The following PIGT variants were observed in gnomAD, a reference collection of about 807,000 sequenced individuals.
The protein encoded by PIGT is GPI-anchor transamidase component PIGT.
Under a neutral mutation model 66.7 loss-of-function variants are expected in PIGT, and 57 were observed. The ratio of observed to expected loss-of-function variants is 0.86; its 90% CI spans 0.69 to 1.07. PIGT has a LOEUF of 1.07. PIGT is among the 50% of genes least tolerant of loss of function. The pLI, the probability that PIGT is intolerant of heterozygous loss-of-function variation, is 0.00. For missense variants in PIGT, 725 were observed against 740.4 expected (o/e 0.98, Z 0.24); for synonymous variants, 362 against 320.5 (o/e 1.13, Z -1.38).
In PIGT at chr20:45,424,558, A is replaced by G. The variant is rs759502546; in HGVS notation, c.1463A>G (p.Glu488Gly). The change falls in exon 11 of 12, where the codon GAG (glutamate) becomes GGG (glycine). Residue 488 changes from glutamate to glycine, a missense_variant. Transcript: ENST00000279036. ...MVAAKPVDWE[E>G]SPLFNSLFPV... ...GCAGCCAAGCCAGTGGACTGGGAAGAGAGTCCCCTCTTCAACAGCCTGTAA... is the reference window on the plus strand; with the variant it reads ...GCAGCCAAGCCAGTGGACTGGGAAGGGAGTCCCCTCTTCAACAGCCTGTAA... The G allele has an allele frequency of 3.1e-6, 5 of 1,614,024 alleles. No individual in the cohort carries two copies. Among genetic ancestry groups the G allele is most frequent in the Admixed American group, 3.3e-5 (2 of 60,030 alleles).
In PIGT at chr20:45,419,274, A is replaced by T. The variant is rs554248083; in HGVS notation, c.494-21A>T. 38 of 1,604,818 alleles carry T rather than the reference A, an allele frequency of 2.4e-5. No homozygotes were observed. In the African/African-American group the frequency reaches 2.7e-4, roughly 11 times the overall value. ...GGTCAGAGCCCAAGGCCCACCCCAG[A>T]CAGACCTCTGTCTCCCTCAGACACT... On this transcript the variant is annotated intron_variant, in intron 3 of 11. Coordinates refer to ENST00000279036, the MANE Select transcript of PIGT (RefSeq NM_015937.6).
chr20:45,424,645 C>T, intron 11 of PIGT, 66 bp downstream of exon 11: 1 of 1,187,238 alleles, frequency 8.4e-7, no homozygotes, highest in Non-Finnish European at 1.3e-6. Context: ...CACAGGTGAC[C>T]AGGCTCCTGC....
chr20:45,421,698 G>A (rs908887897), intron 9 of PIGT, 115 bp downstream of exon 9: 1 of 792,624 alleles, frequency 1.3e-6, no homozygotes, highest in Non-Finnish European at 2.1e-6. Context: ...AAGCTACACA[G>A]GCATAAAGAG....
In PIGT at chr20:45,418,964, C is replaced by T. The variant is rs1267593473; in HGVS notation, c.478C>T (p.Leu160=). The T allele has an allele frequency of 1.2e-6, 2 of 1,614,148 alleles. No homozygotes were observed. Among genetic ancestry groups the T allele is most frequent in the Non-Finnish European group, 1.7e-6 (2 of 1,179,994 alleles). ...TVTPTASFKP[L]GLANDTDHYF... is the part of the protein sequence containing the mutation. ...CACTCCCACTGCCTCCTTCAAACCC[C>T]TGGGTCTGGCCAATGGTGAGATAAC... The change falls in exon 3 of 12, where the codon CTG becomes TTG. Residue 160 remains leucine (L), a synonymous_variant. Coordinates refer to ENST00000279036, the MANE Select transcript of PIGT (RefSeq NM_015937.6).
intron 8 of PIGT, 74 bp downstream of exon 8, chr20:45,420,767 C>G: frequency 6.9e-7 from 1 of 1,455,854 alleles, no homozygotes; most frequent in South Asian, 1.2e-5. Context: ...ACGTCTTTGC[C>G]GTTAGATGAT....
rs373501926 is a variant in PIGT, at chr20:45,421,415, C to T, written c.1066C>T (p.Arg356Trp). 61 of 1,613,990 alleles carry T rather than the reference C, an allele frequency of 3.8e-5. No homozygotes were observed. Among genetic ancestry groups the T allele is most frequent in the East Asian group, 8.9e-5 (4 of 44,896 alleles). ...APPVPFLHAQRYVSGYGLQKG... is the reference protein window; with the variant it reads ...APPVPFLHAQWYVSGYGLQKG... ...CCCAGTGCCCTTCCTGCATGCCCAG[C>T]GGTACGTGAGTGGCTATGGGCTGCA... Residue 356 changes from arginine (R) to tryptophan (W), a missense_variant, in exon 9 of 12, where the codon CGG becomes TGG. By Grantham distance (101) the Arg-to-Trp change is moderately radical (BLOSUM62 -3). Coordinates refer to ENST00000279036, the MANE Select transcript of PIGT (RefSeq NM_015937.6).
At chr20:45,418,805 A>G in intron 2 of PIGT, 47 bp from the exon 3 acceptor site, 1 of 1,610,690 alleles carries the variant, frequency 6.2e-7, no homozygotes, top group Non-Finnish European at 8.5e-7. Context: ...TGAAAGAGGG[A>G]GCAGAGGTAG....
At chr20:45,416,907 G>A in intron 2 of PIGT, 1 of 441,394 alleles carries the variant, frequency 2.3e-6, no homozygotes, top group Non-Finnish European at 4.0e-6. Context: ...GCATATCCCT[G>A]GAGAGGCAAA....
At chr20:45,416,736 A>G in intron 2 of PIGT, 42 bp downstream of exon 2, 1 of 1,553,814 alleles carries the variant, frequency 6.4e-7, no homozygotes, top group Non-Finnish European at 8.7e-7. Context: ...CATGGAGGGA[A>G]TGTGGCTGGG....
chr20:45,425,552 A>T (rs777033176), intron 11 of PIGT, 22 bp from the exon 12 acceptor site: 2 of 1,609,002 alleles, frequency 1.2e-6, no homozygotes, highest in South Asian at 2.2e-5. Context: ...GTCCTGTCTC[A>T]CCGCTCTTCC....
Position 45,420,127 on chromosome 20 carries a change from T to C in PIGT, c.682-9T>C, listed in dbSNP as rs537128962. On this transcript the variant is annotated splice_polypyrimidine_tract_variant and intron_variant, in intron 5 of 11. Transcript: ENST00000279036. ...CCCCCTCACTGCTGCCATCTGGCCCTTGTGATAGAATGCACGCTGTACTAG... is the reference window on the plus strand; with the variant it reads ...CCCCCTCACTGCTGCCATCTGGCCCCTGTGATAGAATGCACGCTGTACTAG... 1.3e-5 allele frequency: 21 copies of C among 1,606,002 alleles called. No individual in the cohort carries two copies. In the South Asian group the frequency reaches 2.3e-4, roughly 18 times the overall value.
rs541520571 is a variant in PIGT, at chr20:45,418,592, A to T, written c.366-260A>T. On this transcript the variant is annotated intron_variant, in intron 2 of 11. Coordinates refer to ENST00000279036, the MANE Select transcript of PIGT (RefSeq NM_015937.6). ...CAGAAAGAAGTTAGCAAAGGCTTGC[A>T]AGGAAGGAAGAATCACCTGAGCAGA... The T allele has an allele frequency of 2.7e-3, 1,160 of 433,468 alleles. 2 individuals carry two copies. The highest frequency in any genetic ancestry group is 3.9e-3 in the Non-Finnish European group (908 of 231,250). The allele number at this position is 433,468 out of a possible 1,614,324, so 26.9% of individuals were successfully genotyped here.
At chr20:45,418,723 A>G in intron 2 of PIGT, 129 bp from the exon 3 acceptor site, 1 of 1,174,810 alleles carries the variant, frequency 8.5e-7, no homozygotes, top group Non-Finnish European at 1.3e-6. Flanking sequence ...TTCCAGCTCC[A>G]TCAACTGGCC....
At chr20:45,423,055 A>AATTT (rs1555877725) in intron 9 of PIGT, 1 of 78,960 alleles carries the variant, frequency 1.3e-5, no homozygotes, top group African/African-American at 5.5e-5. Flanking sequence ...TACAAAAAAA[A>AATTT]TTTTTTTTTT....
intron 2 of PIGT, 65 bp downstream of exon 2, chr20:45,416,759 T>C (rs1600801869): frequency 1.4e-6 from 2 of 1,422,382 alleles, no homozygotes; most frequent in African/African-American, 1.4e-5. Context: ...AGTGTTGTCA[T>C]CCTGCCACTG....
intron 11 of PIGT, 104 bp downstream of exon 11, chr20:45,424,683 T>TCTTTGGAAGATGTAACA: frequency 1.3e-6 from 1 of 792,156 alleles, no homozygotes; most frequent in Non-Finnish European, 2.2e-6. Flanking sequence ...ATGTTACATC[T>TCTTTGGAAGATGTAACA]TCCAAAGAGA....
intron 9 of PIGT, chr20:45,422,514 A>G (rs1990432378): frequency 6.7e-6 from 1 of 149,954 alleles, no homozygotes; most frequent in Non-Finnish European, 1.5e-5. Flanking sequence ...TGGCATGATC[A>G]TGGCTCATTG....
intron 9 of PIGT, chr20:45,423,455 T>C (rs1378930577): frequency 6.6e-6 from 1 of 151,492 alleles, no homozygotes; most frequent in African/African-American, 2.4e-5. Context: ...TAGTGAGCCA[T>C]GATCATACTA....
At chr20:45,422,839 A>T (rs548563047) in intron 9 of PIGT, 1 of 152,290 alleles carries the variant, frequency 6.6e-6, no homozygotes, top group South Asian at 2.1e-4. Context: ...CTGTGGTCTT[A>T]AAAATGTCTT....
Sources: allele counts gnomAD v4.1 joint callset, GRCh38; gene constraint gnomAD v4.1.1; transcripts MANE v1.5; gene names NCBI Gene and HGNC (gene_info 2026-07-23, HGNC 2026-07-21).